The following SORCS3 variants were observed in gnomAD, a reference collection of about 807,000 sequenced individuals.
SORCS3 encodes sortilin related VPS10 domain containing receptor 3, also known as VPS10 domain-containing receptor SorCS3.
SORCS3 carries 57 observed loss-of-function variants against 146.3 expected under a neutral mutation model. That is an observed-to-expected ratio of 0.39 (90% CI 0.31 to 0.49). The LOEUF is 0.49. SORCS3 is among the 20% of genes least tolerant of loss of function. The pLI is 0.92. For synonymous variants in SORCS3, 653 were observed against 618.5 expected (o/e 1.06, Z -0.83); for missense variants, 1,341 against 1,575.5 (o/e 0.85, Z 2.52).
At position 105,122,821 on chromosome 10, in the gene SORCS3, T is replaced by G. The variant is rs2055944128; in HGVS notation, c.1213-16576T>G. 2.0e-5 allele frequency among the ~76,000 whole-genome samples: 3 copies of G among 152,204 alleles called. No homozygotes were observed. In the South Asian group the frequency reaches 6.2e-4, roughly 32 times the overall value. ...ATGGTAGTTTTCATAGCAGCTAATT[T>G]ACTTGAGGGGCTCAGCTTGAGGACC... On this transcript the variant is annotated intron_variant, in intron 7 of 26. Coordinates refer to ENST00000369701, the MANE Select transcript of SORCS3 (RefSeq NM_014978.3).
At position 104,641,717 on chromosome 10, in the gene SORCS3, G is replaced by A; in HGVS notation, c.390G>A (p.Arg130=). ...CTGCCAAGCTTGGCGGCGCGAGGAG[G>A]AGTCGCCGGGCGCAGCCCCCAATCA... The part of the protein sequence containing the change: ...PAPAKLGGAR[R]SRRAQPPITQ... Residue 130 remains arginine (R), a synonymous_variant, in exon 1 of 27, where the codon AGG becomes AGA. Coordinates refer to ENST00000369701, the MANE Select transcript of SORCS3 (RefSeq NM_014978.3). The surrounding 1 kb of genome is among the most constrained non-coding windows in gnomAD (Gnocchi z 6.4). The A allele has an allele frequency of 3.2e-6, 5 of 1,541,958 alleles. No individual in the cohort carries two copies. The highest frequency in any genetic ancestry group is 3.5e-6 in the Non-Finnish European group (4 of 1,145,088).
rs12263103 is a variant in SORCS3, at chr10:104,732,169, C to T, written c.627+90215C>T. Among the ~76,000 whole-genome samples the T allele has an allele frequency of 5.8e-3, 880 of 152,304 alleles. 6 individuals carry two copies. Among genetic ancestry groups the T allele is most frequent in the African/African-American group, 0.02 (844 of 41,566 alleles). On this transcript the variant is annotated intron_variant, in intron 1 of 26. Transcript: ENST00000369701. The stretch of plus-strand genomic sequence containing the variant: ...GCTGGTTTGGTGTTTAATTGGCCCT[C>T]AGTTAAGTCCATCTTGAGTGCTTAT...
At chr10:105,224,103 C>T (rs1385873623) in intron 20 of SORCS3, among the ~76,000 whole-genome samples, 2 of 152,172 alleles carry the variant, frequency 1.3e-5, no homozygotes, top group Non-Finnish European at 2.9e-5. Context: ...CACTCAAAGT[C>T]CATAGTTTAC....
chr10:104,856,853 T>G (rs2133557386), intron 2 of SORCS3, among the ~76,000 whole-genome samples: 1 of 144,768 alleles, frequency 6.9e-6, no homozygotes, highest in East Asian at 2.0e-4. Flanking sequence ...ATAATATATA[T>G]TTATATATAA....
intron 1 of SORCS3, among the ~76,000 whole-genome samples, chr10:104,645,841 T>C (rs1251091891): frequency 1.3e-5 from 2 of 152,224 alleles, no homozygotes; most frequent in African/African-American, 4.8e-5. Flanking sequence ...TGTATTTCAC[T>C]CACTGGATCA....
intron 7 of SORCS3, among the ~76,000 whole-genome samples, chr10:105,119,637 G>C (rs1222785161): frequency 6.6e-6 from 1 of 152,196 alleles, no homozygotes; most frequent in Non-Finnish European, 1.5e-5. Context: ...GCATCAACAT[G>C]ATCTGCATGT....
At chr10:105,200,413 T>C (rs139780819) in intron 15 of SORCS3, among the ~76,000 whole-genome samples, 1 of 152,272 alleles carries the variant, frequency 6.6e-6, no homozygotes, top group East Asian at 1.9e-4. Context: ...AAATGAGCTT[T>C]TTACAGCTAG....
At chr10:104,850,034 C>T (rs1463623861) in intron 2 of SORCS3, among the ~76,000 whole-genome samples, 1 of 152,198 alleles carries the variant, frequency 6.6e-6, no homozygotes, top group Non-Finnish European at 1.5e-5. Flanking sequence ...ATCTGATTTT[C>T]AATTTCTTCA....
intron 4 of SORCS3, among the ~76,000 whole-genome samples, chr10:104,997,884 A>G (rs2055036892): frequency 1.3e-5 from 2 of 152,194 alleles, no homozygotes; most frequent in South Asian, 4.1e-4. Flanking sequence ...TAGAATGGAA[A>G]AAGTAATGAA....
At chr10:104,884,474 A>T (rs904135876) in intron 2 of SORCS3, among the ~76,000 whole-genome samples, 3 of 152,214 alleles carry the variant, frequency 2.0e-5, no homozygotes, top group African/African-American at 4.8e-5. Context: ...AAAATACAGG[A>T]TAGTGAGCTT....
chr10:105,211,206 A>G lies in SORCS3; in HGVS notation c.2331A>G (p.Pro777=), dbSNP rs1340028923. Residue 777 remains proline, a synonymous_variant, in exon 17 of 27, where the codon CCA becomes CCG. Coordinates refer to ENST00000369701, the MANE Select transcript of SORCS3 (RefSeq NM_014978.3). ...VPAFWYNPAS[P]SKDCSLGQSY... is the part of the protein sequence containing the mutation. ...CTTTCTGGTACAATCCAGCATCCCC[A>G]TCAAAGGACTGCAGCCTTGGTCAAA... The G allele has an allele frequency of 1.2e-6, 2 of 1,614,090 alleles. No individual in the cohort carries two copies. The highest frequency in any genetic ancestry group is 2.2e-5 in the East Asian group (1 of 44,862).
intron 3 of SORCS3, among the ~76,000 whole-genome samples, chr10:104,928,900 TA>T (rs1436353840): frequency 6.6e-6 from 1 of 152,218 alleles, no homozygotes; most frequent in African/African-American, 2.4e-5. Context: ...AGCATGAATC[TA>T]ACTCTGAGAA....
intron 1 of SORCS3, among the ~76,000 whole-genome samples, chr10:104,754,784 C>T (rs182094768): frequency 6.3e-4 from 96 of 152,344 alleles, no homozygotes; most frequent in African/African-American, 1.7e-3. Context: ...TGCTAGGCTA[C>T]GCCCTGACCT....
intron 4 of SORCS3, among the ~76,000 whole-genome samples, chr10:105,022,302 T>C (rs1175688884): frequency 1.4e-5 from 2 of 141,890 alleles, no homozygotes; most frequent in African/African-American, 2.6e-5. Flanking sequence ...CTTTTCTTTT[T>C]TTTTTTTTTT....
At chr10:104,986,136 G>A (rs983920126) in intron 4 of SORCS3, among the ~76,000 whole-genome samples, 1 of 152,206 alleles carries the variant, frequency 6.6e-6, no homozygotes, top group Non-Finnish European at 1.5e-5. Flanking sequence ...CTTGTTTTGT[G>A]TATCCGCCAT....
chr10:104,831,861 G>T (rs1321595935), intron 1 of SORCS3, among the ~76,000 whole-genome samples: 1 of 152,146 alleles, frequency 6.6e-6, no homozygotes, highest in Non-Finnish European at 1.5e-5. Context: ...GGGGGAGGGG[G>T]GTGTGGAATA....
intron 5 of SORCS3, among the ~76,000 whole-genome samples, chr10:105,049,514 A>C (rs1264443811): frequency 6.6e-6 from 1 of 152,140 alleles, no homozygotes; most frequent in African/African-American, 2.4e-5. Flanking sequence ...CCTTAGGTGC[A>C]CATTCCTTAC....
intron 7 of SORCS3, among the ~76,000 whole-genome samples, chr10:105,132,198 T>C (rs1161395193): frequency 6.6e-6 from 1 of 152,146 alleles, no homozygotes; most frequent in East Asian, 1.9e-4. Flanking sequence ...TCCCCACCTG[T>C]ACATAAAATA....
chr10:105,196,033 T>C (rs1304688997), intron 14 of SORCS3, among the ~76,000 whole-genome samples: 1 of 138,730 alleles, frequency 7.2e-6, no homozygotes, highest in African/African-American at 2.7e-5. Flanking sequence ...CCTGTGAGGA[T>C]TGCAAAACAG....
Sources: gnomAD v4.1 joint callset for allele counts (sites outside exome capture counted in the v4.1 genomes callset) on GRCh38, gnomAD v4.1.1 for gene constraint, Gnocchi (gnomAD v3.1) non-coding constraint, MANE v1.5 for transcripts, NCBI Gene and HGNC (gene_info 2026-07-23, HGNC 2026-07-21) for gene names.